FCRL2: variants seen among roughly 807,000 people sequenced by gnomAD.
The protein encoded by FCRL2 is Fc receptor like 2.
In FCRL2, 48 loss-of-function variants were observed where a neutral mutation model predicts 59.8. The observed-to-expected ratio is 0.80, with a 90% CI of 0.64 to 1.02. The LOEUF (loss-of-function observed/expected upper bound fraction) is 1.02. Among genes scored for constraint, FCRL2 ranks in the 50% least tolerant of loss-of-function variants. The pLI is 0.00. For synonymous variants in FCRL2, 251 were observed against 229.5 expected (o/e 1.09, Z -0.85); for missense variants, 658 against 597.3 (o/e 1.10, Z -1.06).
intron 11 of FCRL2, 43 bp downstream of exon 11, chr1:157,746,828 A>G: frequency 6.2e-7 from 1 of 1,613,908 alleles, no homozygotes; most frequent in South Asian, 1.1e-5. Context: ...ATAAATAGGG[A>G]GAAGGAAGGA....
At chr1:157,774,794 G>C (rs1466498058) in intron 2 of FCRL2, among the ~76,000 whole-genome samples, 2 of 152,066 alleles carry the variant, frequency 1.3e-5, no homozygotes, top group Non-Finnish European at 2.9e-5. Context: ...ATGTCTCCCT[G>C]GACACTCTTG....
rs1020468949 is a variant in FCRL2, at chr1:157,747,524, T to C, written c.1460-625A>G. Among the ~76,000 whole-genome samples the C allele has an allele frequency of 1.1e-4, 17 of 152,280 alleles. 2 individuals are homozygous for C. Among genetic ancestry groups the C allele is most frequent in the Admixed American group, 9.8e-4 (15 of 15,286 alleles). On this transcript the variant is annotated intron_variant, in intron 10 of 11. Coordinates refer to ENST00000361516, the MANE Select transcript of FCRL2 (RefSeq NM_030764.4). ...AGGGTAATCAACTCCCTATAGGAAG[T>C]TGAAGTGGCAAATCTAAGCAAGGCA...
At chr1:157,747,151 T>A (rs942843142) in intron 10 of FCRL2, among the ~76,000 whole-genome samples, 1 of 152,238 alleles carries the variant, frequency 6.6e-6, no homozygotes, top group Non-Finnish European at 1.5e-5. Flanking sequence ...TAGGTCATTG[T>A]CTTTATAATT....
intron 5 of FCRL2, chr1:157,767,769 C>G: frequency 6.9e-6 from 9 of 1,305,884 alleles, no homozygotes; most frequent in Non-Finnish European, 8.1e-6. Context: ...CCATCCAGCC[C>G]TCTTCATATT....
intron 10 of FCRL2, among the ~76,000 whole-genome samples, 183 bp from the exon 11 acceptor site, chr1:157,747,082 C>T (rs1166983977): frequency 6.6e-6 from 1 of 152,210 alleles, no homozygotes; most frequent in South Asian, 2.1e-4. Flanking sequence ...TATCCATCTT[C>T]CAAGCCCTCC....
intron 7 of FCRL2, among the ~76,000 whole-genome samples, chr1:157,757,841 A>T (rs187295903): frequency 0.018 from 2,696 of 152,324 alleles, 71 homozygotes; most frequent in African/African-American, 0.061. Context: ...GGACGCCTGC[A>T]GTCCCAGCTA....
intron 7 of FCRL2, among the ~76,000 whole-genome samples, chr1:157,754,782 A>G (rs531955385): frequency 9.9e-5 from 15 of 152,214 alleles, no homozygotes; most frequent in Admixed American, 9.2e-4. Flanking sequence ...CCCGGGCAAC[A>G]TGGAGAAATC....
At chr1:157,750,220 CA>C (rs1648082005) in intron 7 of FCRL2, among the ~76,000 whole-genome samples, 1 of 152,142 alleles carries the variant, frequency 6.6e-6, no homozygotes, top group Non-Finnish European at 1.5e-5. Context: ...ACAAGAAACG[CA>C]GTATATTAGC....
rs771011836 is a variant in FCRL2, at chr1:157,770,650, C to T, written c.69G>A (p.Val23=). 1 of 1,614,120 alleles carries T rather than the reference C, an allele frequency of 6.2e-7. No individual in the cohort carries two copies. The highest frequency in any genetic ancestry group is 8.5e-7 in the Non-Finnish European group (1 of 1,180,000). The change falls in exon 3 of 12, where the codon GTG becomes GTA. Residue 23 remains valine, a synonymous_variant. Transcript: ENST00000361516. ...VTEQADSLTL[V]APSSVFEGDS... is the part of the protein sequence containing the mutation. ...CTCCTTCGAAGACAGAAGAGGGCGC[C>T]ACAAGGGTCAGCGAATCTGGAAGAG...
At chr1:157,765,846 CT>C (rs1649449802) in intron 7 of FCRL2, among the ~76,000 whole-genome samples, 4 of 152,218 alleles carry the variant, frequency 2.6e-5, no homozygotes, top group Non-Finnish European at 5.9e-5. Context: ...AAACATCATA[CT>C]TTTTGAAATT....
rs1026118807 is a variant in FCRL2 at position 157,746,565 on chromosome 1, G to T, written c.*171C>A. ...GTTCAATGAATATTGATAGGTAAAA[G>T]AAGATATTGGAGAAGAAACATCATC... On this transcript the variant is annotated 3_prime_UTR_variant, in exon 12 of 12. Transcript: ENST00000361516. The T allele has an allele frequency of 6.9e-5, 43 of 622,046 alleles. No individual in the cohort carries two copies. The highest frequency in any genetic ancestry group is 6.3e-4 in the African/African-American group (34 of 54,150). 38.5% of individuals were successfully genotyped at this position (622,046 alleles called of 1,614,324 possible).
intron 7 of FCRL2, among the ~76,000 whole-genome samples, chr1:157,763,035 G>A (rs1362302643): frequency 6.6e-6 from 1 of 152,158 alleles, no homozygotes; most frequent in African/African-American, 2.4e-5. Flanking sequence ...TTTGAGGCTT[G>A]GTCGTCAGGT....
chr1:157,750,214 G>A (rs887743796), intron 7 of FCRL2, among the ~76,000 whole-genome samples: 12 of 152,170 alleles, frequency 7.9e-5, no homozygotes, highest in Admixed American at 1.3e-4. Context: ...TGTAAAACAA[G>A]AAACGCAGTA....
intron 7 of FCRL2, among the ~76,000 whole-genome samples, chr1:157,763,373 A>G (rs1022101658): frequency 2.6e-5 from 4 of 151,838 alleles, no homozygotes; most frequent in Admixed American, 1.3e-4. Flanking sequence ...AAATACAAAT[A>G]AATTAGCCAG....
intron 7 of FCRL2, among the ~76,000 whole-genome samples, chr1:157,751,179 A>C (rs1232918572): frequency 6.6e-6 from 1 of 152,222 alleles, no homozygotes; most frequent in African/African-American, 2.4e-5. Context: ...TAGAATTAGA[A>C]AGAAATATTG....
intron 7 of FCRL2, among the ~76,000 whole-genome samples, chr1:157,762,284 T>G (rs1445606511): frequency 2.0e-5 from 3 of 152,130 alleles, no homozygotes; most frequent in Non-Finnish European, 4.4e-5. Flanking sequence ...AACACCAGTA[T>G]CCATTGTTTG....
chr1:157,750,907 A>C (rs1648134896), intron 7 of FCRL2, among the ~76,000 whole-genome samples: 1 of 152,236 alleles, frequency 6.6e-6, no homozygotes, highest in Admixed American at 6.5e-5. Context: ...TTGGTTCACA[A>C]AGAAAACCTC....
At position 157,746,600 on chromosome 1, in the gene FCRL2, A is replaced by G; in HGVS notation, c.*136T>C. ...GAGAAGAAACATCATCAGGACAAAAATGACAGGAGGTGCCTCCTGAGGCAC... is the reference window on the plus strand; with the variant it reads ...GAGAAGAAACATCATCAGGACAAAAGTGACAGGAGGTGCCTCCTGAGGCAC... On this transcript the variant is annotated 3_prime_UTR_variant, in exon 12 of 12. Transcript: ENST00000361516. 1.4e-6 allele frequency: 1 copy of G among 728,760 alleles called. No individual in the cohort carries two copies. Among genetic ancestry groups the G allele is most frequent in the Admixed American group, 2.6e-5 (1 of 38,796 alleles). The allele number at this position is 728,760 out of a possible 1,614,324, so 45.1% of individuals were successfully genotyped here.
intron 7 of FCRL2, among the ~76,000 whole-genome samples, chr1:157,757,159 T>G (rs76125314): frequency 2.0e-5 from 3 of 152,354 alleles, no homozygotes; most frequent in African/African-American, 7.2e-5. Context: ...TCAATGGGAC[T>G]TTTTGATCAA....
Sources: gnomAD v4.1 joint callset for allele counts (sites outside exome capture counted in the v4.1 genomes callset) on GRCh38, gnomAD v4.1.1 for gene constraint, MANE v1.5 for transcripts, NCBI Gene and HGNC (gene_info 2026-07-23, HGNC 2026-07-21) for gene names.